Variants in PTPRQ observed in about 807,000 individuals in gnomAD.
PTPRQ encodes the protein phosphatidylinositol phosphatase PTPRQ.
PTPRQ carries 199 observed loss-of-function variants against 246.0 expected under a neutral mutation model. That is an observed-to-expected ratio of 0.81 (90% CI 0.72 to 0.91). PTPRQ has a LOEUF of 0.91. PTPRQ is among the 40% of genes least tolerant of loss of function. PTPRQ has a pLI of 0.00. For synonymous variants in PTPRQ, 869 were observed against 853.2 expected, an observed-to-expected ratio of 1.02 and a Z score of -0.32; for missense variants, 2,624 against 2,528.4, an observed-to-expected ratio of 1.04 and a Z score of -0.81.
At chr12:80,457,134 A>AT (rs1156930343) in intron 3 of PTPRQ, among the ~76,000 whole-genome samples, 1 of 152,052 alleles carries the variant, frequency 6.6e-6, no homozygotes, top group South Asian at 2.1e-4. Flanking sequence ...TATCTAATTT[A>AT]TTTTTTTAAA....
At chr12:80,558,830 C>A (rs1896741832) in intron 25 of PTPRQ, among the ~76,000 whole-genome samples, 1 of 152,126 alleles carries the variant, frequency 6.6e-6, no homozygotes, top group Admixed American at 6.5e-5. Flanking sequence ...GGCTAACGTT[C>A]AATAGCTAAT....
chr12:80,643,106 T>C (rs1014213838), intron 35 of PTPRQ, among the ~76,000 whole-genome samples: 1 of 151,894 alleles, frequency 6.6e-6, no homozygotes, highest in Non-Finnish European at 1.5e-5. Flanking sequence ...GAGAAGGTAA[T>C]ACATATCATT....
chr12:80,450,213 T>G (rs1892708267), intron 3 of PTPRQ, among the ~76,000 whole-genome samples: 1 of 152,190 alleles, frequency 6.6e-6, no homozygotes, highest in Non-Finnish European at 1.5e-5. Flanking sequence ...CCTGTGATTT[T>G]TGTACATTGA....
At chr12:80,600,717 G>A (rs927497785) in intron 26 of PTPRQ, among the ~76,000 whole-genome samples, 2 of 151,846 alleles carry the variant, frequency 1.3e-5, no homozygotes, top group African/African-American at 2.4e-5. Flanking sequence ...CCTTTTTGAC[G>A]TAATTAATTT....
Position 80,588,314 on chromosome 12 carries a change from C to A in PTPRQ, c.4471C>A (p.Leu1491Ile). Reference protein sequence around the residue: ...ECVEYQKIQYLYEAHLTEETV... With the variant: ...ECVEYQKIQYIYEAHLTEETV... ...TGTTGAATATCAAAAAATTCAATAC[C>A]TCTATGAAGCTCACTTAACTGAAGA... Residue 1491 changes from leucine to isoleucine, a missense_variant, in exon 26 of 45, where the codon CTC becomes ATC. Leu to Ile is a conservative substitution (Grantham distance 5, BLOSUM62 2). Coordinates refer to ENST00000644991, the MANE Select transcript of PTPRQ (RefSeq NM_001145026.2). 1 of 1,551,400 alleles carries A rather than the reference C, an allele frequency of 6.4e-7. No homozygotes were observed. Among genetic ancestry groups the A allele is most frequent in the East Asian group, 2.4e-5 (1 of 40,888 alleles).
Position 80,670,394 on chromosome 12 carries a change from G to C in PTPRQ, c.6504G>C (p.Glu2168Asp). The C allele has an allele frequency of 6.4e-7, 1 of 1,551,136 alleles. No individual in the cohort carries two copies. Among genetic ancestry groups the C allele is most frequent in the African/African-American group, 1.4e-5 (1 of 73,098 alleles). ...AGTGTAACTTTACTGCCTGGCCAGA[G>C]CATGGGGTTCCTGAGAACAGCGCCC... ...VRQCNFTAWP[E>D]HGVPENSAPL... The change falls in exon 42 of 45, where the codon GAG becomes GAC. Residue 2168 changes from glutamate to aspartate, a missense_variant. Coordinates refer to ENST00000644991, the MANE Select transcript of PTPRQ (RefSeq NM_001145026.2).
intron 3 of PTPRQ, among the ~76,000 whole-genome samples, chr12:80,453,379 C>G (rs962661220): frequency 2.0e-5 from 3 of 152,202 alleles, no homozygotes; most frequent in South Asian, 2.1e-4. Flanking sequence ...GAAAGTCATT[C>G]TCTGTCCAGC....
chr12:80,620,014 A>T (rs1898917514), intron 31 of PTPRQ, 140 bp from the exon 32 acceptor site: 1 of 1,085,544 alleles, frequency 9.2e-7, no homozygotes, highest in Non-Finnish European at 1.3e-6. Context: ...CTGCCTATAC[A>T]GGTGGATCAC....
chr12:80,461,802 T>A (rs1893179945), intron 6 of PTPRQ, among the ~76,000 whole-genome samples: 1 of 151,810 alleles, frequency 6.6e-6, no homozygotes, highest in African/African-American at 2.4e-5. Context: ...TTTGTTCATT[T>A]AAATAACCAT....
intron 30 of PTPRQ, 119 bp from the exon 31 acceptor site, chr12:80,619,265 T>C: frequency 8.5e-7 from 1 of 1,172,230 alleles, no homozygotes; most frequent in East Asian, 2.6e-5. Flanking sequence ...CTCTATAATT[T>C]GTTATTTATG....
At chr12:80,572,044 A>G (rs1340680318) in intron 25 of PTPRQ, among the ~76,000 whole-genome samples, 3 of 151,938 alleles carry the variant, frequency 2.0e-5, no homozygotes. Context: ...TAATGATCTT[A>G]TTAATTTTTA....
chr12:80,536,809 TA>T (rs1896001480), intron 19 of PTPRQ, among the ~76,000 whole-genome samples: 3 of 152,232 alleles, frequency 2.0e-5, no homozygotes, highest in Admixed American at 6.5e-5. Flanking sequence ...CCATAGAAGA[TA>T]TGCAAATTGG....
intron 25 of PTPRQ, chr12:80,583,791 T>A (rs936663556): frequency 2.0e-5 from 3 of 152,208 alleles, no homozygotes; most frequent in Non-Finnish European, 4.4e-5. Flanking sequence ...GAAGTCAACT[T>A]GTCAGTCAAC....
chr12:80,651,190 T>C (rs1426762256), intron 37 of PTPRQ, among the ~76,000 whole-genome samples: 1 of 152,024 alleles, frequency 6.6e-6, no homozygotes, highest in East Asian at 1.9e-4. Flanking sequence ...ATAAAATGAT[T>C]GAATATAAGC....
intron 16 of PTPRQ, among the ~76,000 whole-genome samples, chr12:80,507,193 T>G (rs1287141574): frequency 6.8e-6 from 1 of 147,788 alleles, no homozygotes; most frequent in Non-Finnish European, 1.5e-5. Context: ...TAAACATACC[T>G]TTCCCTAACC....
intron 8 of PTPRQ, among the ~76,000 whole-genome samples, chr12:80,478,564 G>A (rs1384310273): frequency 1.3e-5 from 2 of 152,136 alleles, no homozygotes; most frequent in Non-Finnish European, 2.9e-5. Context: ...AGCTTCAGAC[G>A]ATCAAATTAC....
intron 16 of PTPRQ, among the ~76,000 whole-genome samples, chr12:80,507,382 A>G (rs1894996830): frequency 6.6e-6 from 1 of 151,928 alleles, no homozygotes; most frequent in Non-Finnish European, 1.5e-5. Flanking sequence ...AGGAATTCCT[A>G]TTTCCAAGAA....
rs1565851192 is a variant in PTPRQ at position 80,669,366 on chromosome 12, GACA to G, written c.6360_6362del (p.Asn2120del). 3.2e-6 allele frequency: 5 copies of G among 1,549,658 alleles called. No homozygotes were observed. The highest frequency in any genetic ancestry group is 4.4e-6 in the Non-Finnish European group (5 of 1,145,954). On this transcript the variant is annotated inframe_deletion, in exon 41 of 45. Transcript: ENST00000644991. ...CAGATGCCATCAGTATTGGCCAGAG[GACA>G]ACAAGCCAGTTACTGTCTTTGGAGA...
At chr12:80,556,553 T>C (rs1420084221) in intron 25 of PTPRQ, among the ~76,000 whole-genome samples, 1 of 152,188 alleles carries the variant, frequency 6.6e-6, no homozygotes, top group Non-Finnish European at 1.5e-5. Context: ...TCATCTGATA[T>C]AGATCAATAA....
Sources: gnomAD v4.1 joint callset for allele counts (sites outside exome capture counted in the v4.1 genomes callset) on GRCh38, gnomAD v4.1.1 for gene constraint, MANE v1.5 for transcripts, NCBI Gene and HGNC (gene_info 2026-07-23, HGNC 2026-07-21) for gene names.